The following PLCH1 variants were observed in gnomAD, a reference collection of about 807,000 sequenced individuals.
The protein encoded by PLCH1 is phospholipase C eta 1.
In PLCH1, 60 loss-of-function variants were observed where a neutral mutation model predicts 126.7. That is an observed-to-expected ratio of 0.47 (90% confidence interval 0.38 to 0.59). The LOEUF is 0.59. PLCH1 is among the 20% of genes least tolerant of loss of function. The pLI is 0.00. For missense variants in PLCH1, 1,723 were observed against 2,040.0 expected (o/e 0.84, Z 2.99); for synonymous variants, 719 against 734.9 (o/e 0.98, Z 0.35).
chr3:155,666,813 A>T, intron 2 of PLCH1, among the ~76,000 whole-genome samples: 1 of 152,144 alleles, frequency 6.6e-6, no homozygotes, highest in East Asian at 1.9e-4. Context: ...ATATACAAGG[A>T]AGCTTAGAGA....
Position 155,554,136 on chromosome 3 carries a change from G to T in PLCH1, c.1130C>A (p.Ser377Ter), listed in dbSNP as rs2108468576. The stretch of plus-strand genomic sequence containing the variant: ...CACAACATCTCTGAAGAGAATTTTT[G>T]AAGTGAGAGTGTAACCATGATGTAC... ...PVVHHGYTLT[S>*]KILFRDVVET... is the part of the protein sequence containing the mutation. The change falls in exon 9 of 23, where the codon TCA (serine) becomes TAA (stop). Residue 377 changes from serine to a stop codon, truncating the protein, a stop_gained. Coordinates refer to ENST00000460012, the MANE Select transcript of PLCH1 (RefSeq NM_014996.4). LOFTEE classifies it high-confidence loss of function. 6.2e-7 allele frequency: 1 copy of T among 1,613,728 alleles called. No individual in the cohort carries two copies. The highest frequency in any genetic ancestry group is 8.5e-7 in the Non-Finnish European group (1 of 1,179,662).
At chr3:155,549,739 G>T in intron 10 of PLCH1, 48 bp downstream of exon 10, 1 of 1,321,804 alleles carries the variant, frequency 7.6e-7, no homozygotes, top group Non-Finnish European at 1.1e-6. Flanking sequence ...GGGAGGGCAG[G>T]CTTAGCTGAT....
chr3:155,625,621 A>C (rs1737138040), intron 2 of PLCH1, among the ~76,000 whole-genome samples: 1 of 152,258 alleles, frequency 6.6e-6, no homozygotes, highest in African/African-American at 2.4e-5. Context: ...AAAGCATGAA[A>C]AAAAGCTCAT....
chr3:155,452,345 A>C (rs1712330537), intron 21 of PLCH1, among the ~76,000 whole-genome samples: 1 of 152,158 alleles, frequency 6.6e-6, no homozygotes, highest in Non-Finnish European at 1.5e-5. Flanking sequence ...TCCCTCCCAC[A>C]ACACATGGGA....
intron 2 of PLCH1, among the ~76,000 whole-genome samples, chr3:155,663,697 A>T (rs1742428309): frequency 6.6e-6 from 1 of 152,154 alleles, no homozygotes; most frequent in Non-Finnish European, 1.5e-5. Context: ...AGTATAATGC[A>T]AGATGCATAA....
intron 12 of PLCH1, among the ~76,000 whole-genome samples, chr3:155,511,318 G>C (rs1719448622): frequency 1.5e-5 from 2 of 134,248 alleles, no homozygotes; most frequent in Admixed American, 7.1e-5. Flanking sequence ...CCGTAGCTCA[G>C]AGTAATTTGA....
chr3:155,723,187 T>C (rs1748077010), intron 1 of PLCH1, among the ~76,000 whole-genome samples: 2 of 152,048 alleles, frequency 1.3e-5, no homozygotes, highest in East Asian at 3.9e-4. Context: ...TCATCTCTAA[T>C]TGAGTTTATT....
At chr3:155,605,982 A>G (rs796646592) in intron 2 of PLCH1, among the ~76,000 whole-genome samples, 6 of 152,320 alleles carry the variant, frequency 3.9e-5, no homozygotes, top group African/African-American at 1.4e-4. Context: ...AAAAAAAAGA[A>G]GGCTTAAAAG....
At chr3:155,611,758 T>C (rs1328963677) in intron 2 of PLCH1, among the ~76,000 whole-genome samples, 1 of 152,170 alleles carries the variant, frequency 6.6e-6, no homozygotes, top group South Asian at 2.1e-4. Context: ...ACAGATTATA[T>C]GATAGGTCAT....
chr3:155,718,653 G>C (rs755523814), intron 1 of PLCH1, among the ~76,000 whole-genome samples: 1 of 152,064 alleles, frequency 6.6e-6, no homozygotes, highest in Non-Finnish European at 1.5e-5. Context: ...GTGAGTGCGG[G>C]GGGGAGGTGC....
chr3:155,728,952 G>A (rs926407051), intron 1 of PLCH1, among the ~76,000 whole-genome samples: 2 of 152,148 alleles, frequency 1.3e-5, no homozygotes, highest in African/African-American at 4.8e-5. Context: ...ACAAACAGCA[G>A]ATTTATTTTA....
At chr3:155,731,723 C>T (rs529497782) in intron 1 of PLCH1, among the ~76,000 whole-genome samples, 2 of 152,308 alleles carry the variant, frequency 1.3e-5, no homozygotes, top group African/African-American at 4.8e-5. Flanking sequence ...TGGCTCATGT[C>T]TGTAATCCTA....
intron 13 of PLCH1, among the ~76,000 whole-genome samples, chr3:155,503,537 C>CTTT (rs57141788): frequency 1.0e-4 from 15 of 144,420 alleles, no homozygotes; most frequent in African/African-American, 2.5e-4. Context: ...TTACTTCTGT[C>CTTT]TTTTTTTTTT....
At chr3:155,566,318 TAC>T (rs1180667118) in intron 7 of PLCH1, among the ~76,000 whole-genome samples, 14 of 25,786 alleles carry the variant, frequency 5.4e-4, no homozygotes, top group East Asian at 2.1e-3. Flanking sequence ...TATACATATA[TAC>T]ATATATATAC....
chr3:155,599,114 G>C (rs963741094), intron 2 of PLCH1, among the ~76,000 whole-genome samples: 1 of 150,246 alleles, frequency 6.7e-6, no homozygotes, highest in African/African-American at 2.5e-5. Flanking sequence ...TTGGGACTCT[G>C]ATCTTAGACT....
chr3:155,545,056 A>C (rs1425523315), intron 10 of PLCH1, among the ~76,000 whole-genome samples: 60 of 146,978 alleles, frequency 4.1e-4, no homozygotes, highest in African/African-American at 1.1e-3. Context: ...ACTGAAGGAA[A>C]TAGAGACACA....
chr3:155,669,639 T>C (rs1743196816), intron 2 of PLCH1, among the ~76,000 whole-genome samples: 1 of 152,030 alleles, frequency 6.6e-6, no homozygotes, highest in Non-Finnish European at 1.5e-5. Flanking sequence ...AGTGAGAACA[T>C]AAGAAAATAA....
At chr3:155,530,976 C>G (rs1722596625) in intron 10 of PLCH1, among the ~76,000 whole-genome samples, 1 of 152,146 alleles carries the variant, frequency 6.6e-6, no homozygotes, top group Non-Finnish European at 1.5e-5. Context: ...CTTGGGTGAC[C>G]AGGTGCATTG....
chr3:155,453,176 G>A (rs1050669553), intron 21 of PLCH1, among the ~76,000 whole-genome samples: 1 of 152,160 alleles, frequency 6.6e-6, no homozygotes, highest in African/African-American at 2.4e-5. Context: ...ACACTCTTCA[G>A]AAGTGTCAAG....
Sources: gnomAD v4.1 joint callset for allele counts (sites outside exome capture counted in the v4.1 genomes callset) on GRCh38, gnomAD v4.1.1 for gene constraint, MANE v1.5 for transcripts, NCBI Gene and HGNC (gene_info 2026-07-23, HGNC 2026-07-21) for gene names.